The following ARID5B variants were observed in gnomAD, a reference collection of about 807,000 sequenced individuals.
ARID5B encodes the protein AT-rich interactive domain-containing protein 5B.
ARID5B carries 13 observed loss-of-function variants against 97.2 expected under a neutral mutation model. The ratio of observed to expected loss-of-function variants is 0.13; its 90% CI spans 0.09 to 0.21. The LOEUF (loss-of-function observed/expected upper bound fraction) is 0.21. Ranked by LOEUF, ARID5B falls within the 10% of genes least tolerant of loss-of-function variation. ARID5B has a pLI of 1.00. For synonymous variants in ARID5B, 556 were observed against 570.3 expected, an observed-to-expected ratio of 0.97 and a Z score of 0.36; for missense variants, 1,210 against 1,465.3, an observed-to-expected ratio of 0.83 and a Z score of 2.84.
At chr10:61,929,486 G>T (rs1459125113) in intron 2 of ARID5B, among the ~76,000 whole-genome samples, 1 of 152,178 alleles carries the variant, frequency 6.6e-6, no homozygotes, top group Non-Finnish European at 1.5e-5. Context: ...CTGGAGGGAT[G>T]CCATATTAGT....
chr10:61,986,716 C>G (rs1402416183), intron 3 of ARID5B, among the ~76,000 whole-genome samples: 1 of 152,142 alleles, frequency 6.6e-6, no homozygotes, highest in African/African-American at 2.4e-5. Flanking sequence ...GCCCCTTTTC[C>G]ACATAACCCT....
intron 2 of ARID5B, among the ~76,000 whole-genome samples, chr10:61,934,742 C>A (rs1406483617): frequency 6.6e-6 from 1 of 152,040 alleles, no homozygotes; most frequent in East Asian, 1.9e-4. Context: ...CGGCTGGGTG[C>A]GGTGGCTCAC....
Position 62,071,030 on chromosome 10 carries a change from CTTTTTTTTTTT to C in ARID5B, c.1199+1247_1199+1257del, listed in dbSNP as rs565983973. Among the ~76,000 whole-genome samples the C allele has an allele frequency of 1.3e-4, 9 of 71,164 alleles. No homozygotes were observed. In the Admixed American group the frequency reaches 1.4e-3, roughly 11 times the overall value. 46.7% of individuals were successfully genotyped at this position (71,164 alleles called of 152,430 possible). On this transcript the variant is annotated intron_variant, in intron 8 of 9. Transcript: ENST00000279873. ...TTATGAGTCAAGGCTTCATTCAGAACTTTTTTTTTTTTTTTTTTTTTTTTGAGACGGAGTCT... is the reference window on the plus strand; with the variant it reads ...TTATGAGTCAAGGCTTCATTCAGAACTTTTTTTTTTTTTGAGACGGAGTCT...
At chr10:61,952,471 AG>A (rs1178260026) in intron 3 of ARID5B, among the ~76,000 whole-genome samples, 2 of 152,218 alleles carry the variant, frequency 1.3e-5, no homozygotes, top group African/African-American at 2.4e-5. Context: ...CTTCCCAAAA[AG>A]TCTTAACTCT....
intron 4 of ARID5B, among the ~76,000 whole-genome samples, chr10:62,022,148 C>T (rs1839364718): frequency 6.6e-6 from 1 of 152,162 alleles, no homozygotes; most frequent in South Asian, 2.1e-4. Flanking sequence ...GTCCAGTGGG[C>T]TGGACTGGAT....
chr10:62,042,786 G>A (rs1321943687), intron 4 of ARID5B, among the ~76,000 whole-genome samples: 3 of 151,746 alleles, frequency 2.0e-5, no homozygotes, highest in Non-Finnish European at 4.4e-5. Context: ...TTGGTGGCGG[G>A]CGCCTGTAGT....
At position 61,940,157 on chromosome 10, in the gene ARID5B, TG is replaced by T. The variant is rs554447065; in HGVS notation, c.277-25del. The stretch of plus-strand genomic sequence containing the variant: ...CCTCAAACCTATAAATAACGTTTTT[TG>T]TTCTTCCCCAACCACCTCTTGTAGG... On this transcript the variant is annotated intron_variant, in intron 2 of 9. Coordinates refer to ENST00000279873, the MANE Select transcript of ARID5B (RefSeq NM_032199.3). 1.6e-4 allele frequency: 263 copies of T among 1,610,228 alleles called. 2 individuals carry two copies. The South Asian group carries it at 2.8e-3, about 17-fold the overall frequency.
rs555535767 is a variant in ARID5B at position 61,949,736 on chromosome 10, C to A, written c.502+9328C>A. ...TCATTAATTTGAAATGTTAATTTCC[C>A]AAAGAACTGTCTGTAGAGATTGCCA... On this transcript the variant is annotated intron_variant, in intron 3 of 9. Transcript: ENST00000279873. Among the ~76,000 whole-genome samples the A allele has an allele frequency of 7.9e-5, 12 of 152,154 alleles. No homozygotes were observed. In the South Asian group the frequency reaches 2.3e-3, roughly 29 times the overall value.
At chr10:62,064,588 C>T (rs1223101347) in intron 7 of ARID5B, among the ~76,000 whole-genome samples, 4 of 151,834 alleles carry the variant, frequency 2.6e-5, no homozygotes, top group African/African-American at 9.7e-5. Context: ...AGTGATTTTC[C>T]ACTTTTTTTA....
intron 2 of ARID5B, among the ~76,000 whole-genome samples, chr10:61,908,703 G>A (rs10994963): frequency 6.6e-6 from 1 of 151,158 alleles, no homozygotes. Flanking sequence ...GGGAGGCTGA[G>A]GCAGGAGAAT....
In ARID5B at chr10:62,096,142, T is replaced by C. The variant is rs1329454598; in HGVS notation, c.*3112T>C. 1 of 233,494 alleles carries C rather than the reference T, an allele frequency of 4.3e-6. No homozygotes were observed. The allele number at this position is 233,494 out of a possible 1,614,324, so 14.5% of individuals were successfully genotyped here. On this transcript the variant is annotated 3_prime_UTR_variant, in exon 10 of 10. Coordinates refer to ENST00000279873, the MANE Select transcript of ARID5B (RefSeq NM_032199.3). ...AGGACTGACTTATTTATTTACTAGC[T>C]AGAAGCTCTTAAGTTCACTTGTTTA...
At chr10:61,902,705 G>GTGTGTGTGTGTA (rs1228234707) in intron 2 of ARID5B, among the ~76,000 whole-genome samples, 1 of 146,002 alleles carries the variant, frequency 6.8e-6, no homozygotes, top group African/African-American at 2.5e-5. Flanking sequence ...GTGTGTGTAT[G>GTGTGTGTGTGTA]TGTGTGTGTG....
At chr10:61,979,408 C>T (rs145715079) in intron 3 of ARID5B, among the ~76,000 whole-genome samples, 9 of 152,206 alleles carry the variant, frequency 5.9e-5, no homozygotes, top group East Asian at 1.9e-4. Flanking sequence ...CCATGTAGAT[C>T]GTAGGAAGGA....
intron 3 of ARID5B, among the ~76,000 whole-genome samples, chr10:61,941,802 T>A (rs1844415644): frequency 6.6e-6 from 1 of 152,202 alleles, no homozygotes; most frequent in South Asian, 2.1e-4. Flanking sequence ...ATTAGACTAG[T>A]GGTTTTCCTT....
At chr10:61,995,205 C>G (rs1241548968) in intron 3 of ARID5B, among the ~76,000 whole-genome samples, 1 of 152,084 alleles carries the variant, frequency 6.6e-6, no homozygotes, top group Non-Finnish European at 1.5e-5. Context: ...CTTTGTTTGT[C>G]TTTTACAAAA....
intron 2 of ARID5B, among the ~76,000 whole-genome samples, chr10:61,935,779 C>T (rs1240503763): frequency 1.3e-5 from 2 of 152,146 alleles, no homozygotes; most frequent in Non-Finnish European, 2.9e-5. Flanking sequence ...ATGTAACGCA[C>T]TTTTTATGAA....
chr10:62,014,049 G>C (rs994507104), intron 4 of ARID5B, among the ~76,000 whole-genome samples: 6 of 152,036 alleles, frequency 3.9e-5, no homozygotes, highest in Non-Finnish European at 7.4e-5. Flanking sequence ...ATTGTGAATA[G>C]TGCTGCAGTG....
intron 4 of ARID5B, among the ~76,000 whole-genome samples, chr10:62,026,440 A>T (rs771554073): frequency 1.3e-5 from 2 of 152,208 alleles, no homozygotes; most frequent in Non-Finnish European, 2.9e-5. Flanking sequence ...TCCAGTGCTA[A>T]CCTTTGAGGC....
intron 3 of ARID5B, among the ~76,000 whole-genome samples, chr10:61,966,675 C>A (rs1838550089): frequency 6.6e-6 from 1 of 152,136 alleles, no homozygotes; most frequent in South Asian, 2.1e-4. Context: ...ACATGAAAGT[C>A]CTTCAGATAC....
Sources: gnomAD v4.1 joint callset for allele counts (sites outside exome capture counted in the v4.1 genomes callset) on GRCh38, gnomAD v4.1.1 for gene constraint, MANE v1.5 for transcripts, NCBI Gene and HGNC (gene_info 2026-07-23, HGNC 2026-07-21) for gene names.